The following CNTNAP5 variants were observed in gnomAD, a reference collection of about 807,000 sequenced individuals.
The protein encoded by CNTNAP5 is contactin-associated protein-like 5.
CNTNAP5 carries 72 observed loss-of-function variants against 150.2 expected under a neutral mutation model. The ratio of observed to expected loss-of-function variants is 0.48; its 90% CI spans 0.40 to 0.58. The LOEUF is 0.58. Among genes scored for constraint, CNTNAP5 ranks in the 20% least tolerant of loss-of-function variants. CNTNAP5 has a pLI of 0.00. For synonymous variants in CNTNAP5, 672 were observed against 619.8 expected, an observed-to-expected ratio of 1.08 and a Z score of -1.25; for missense variants, 1,636 against 1,626.2, an observed-to-expected ratio of 1.01 and a Z score of -0.10.
At chr2:124,555,096 AG>A (rs1294543649) in intron 10 of CNTNAP5, among the ~76,000 whole-genome samples, 1 of 144,328 alleles carries the variant, frequency 6.9e-6, no homozygotes, top group Non-Finnish European at 1.6e-5. Flanking sequence ...AATATGCTCT[AG>A]TATTTTTTTT....
intron 4 of CNTNAP5, among the ~76,000 whole-genome samples, chr2:124,426,602 G>C (rs1692243860): frequency 6.6e-6 from 1 of 152,192 alleles, no homozygotes; most frequent in South Asian, 2.1e-4. Flanking sequence ...TCAATGTTGA[G>C]CTTCGGCTTT....
At chr2:124,039,702 T>A (rs1681314844) in intron 1 of CNTNAP5, among the ~76,000 whole-genome samples, 1 of 152,180 alleles carries the variant, frequency 6.6e-6, no homozygotes, top group South Asian at 2.1e-4. Flanking sequence ...TTTATTTAGG[T>A]CTACACTGCG....
intron 21 of CNTNAP5, among the ~76,000 whole-genome samples, chr2:124,883,797 C>G (rs1296926451): frequency 6.6e-6 from 1 of 152,046 alleles, no homozygotes; most frequent in African/African-American, 2.4e-5. Flanking sequence ...CATGCATAAA[C>G]ACGTGTGGGC....
At chr2:124,556,018 C>G (rs1695747835) in intron 10 of CNTNAP5, among the ~76,000 whole-genome samples, 1 of 152,142 alleles carries the variant, frequency 6.6e-6, no homozygotes, top group East Asian at 1.9e-4. Flanking sequence ...TCTAAACTGA[C>G]AACTCCACAT....
intron 3 of CNTNAP5, among the ~76,000 whole-genome samples, chr2:124,289,346 T>C (rs1053768499): frequency 6.6e-6 from 1 of 152,192 alleles, no homozygotes; most frequent in Non-Finnish European, 1.5e-5. Context: ...AATAAATGTA[T>C]GGAGGATTTT....
At chr2:124,254,305 C>T (rs1168061557) in intron 3 of CNTNAP5, among the ~76,000 whole-genome samples, 1 of 152,112 alleles carries the variant, frequency 6.6e-6, no homozygotes, top group Non-Finnish European at 1.5e-5. Context: ...CAAAATATCC[C>T]AGCTCCTGCC....
intron 3 of CNTNAP5, among the ~76,000 whole-genome samples, chr2:124,257,249 A>T (rs1687336182): frequency 6.6e-6 from 1 of 152,186 alleles, no homozygotes; most frequent in East Asian, 1.9e-4. Context: ...ATAGGAAAAC[A>T]GTACTCTTTA....
chr2:124,130,736 A>G (rs1220012632), intron 1 of CNTNAP5, among the ~76,000 whole-genome samples: 1 of 152,132 alleles, frequency 6.6e-6, no homozygotes, highest in East Asian at 1.9e-4. Context: ...ATAATTTTTT[A>G]TCATACTTTG....
At chr2:124,171,216 GCT>G (rs1431773769) in intron 1 of CNTNAP5, among the ~76,000 whole-genome samples, 4 of 152,154 alleles carry the variant, frequency 2.6e-5, no homozygotes, top group African/African-American at 4.8e-5. Flanking sequence ...CTCTGCAAAT[GCT>G]CTTTCTCTGT....
At chr2:124,793,708 G>A (rs1033794784) in intron 18 of CNTNAP5, among the ~76,000 whole-genome samples, 6 of 152,048 alleles carry the variant, frequency 3.9e-5, no homozygotes, top group Non-Finnish European at 1.5e-5. Flanking sequence ...GTGAGGTAGG[G>A]GGTCCAGCTT....
chr2:124,164,802 C>T (rs906762741), intron 1 of CNTNAP5, among the ~76,000 whole-genome samples: 6 of 152,052 alleles, frequency 3.9e-5, no homozygotes, highest in African/African-American at 7.2e-5. Flanking sequence ...TAAATGAGGC[C>T]GTTTCAATAT....
At chr2:124,346,309 G>A (rs1018712622) in intron 3 of CNTNAP5, among the ~76,000 whole-genome samples, 2 of 152,216 alleles carry the variant, frequency 1.3e-5, no homozygotes, top group Non-Finnish European at 2.9e-5. Context: ...GCAACATTGA[G>A]TTGTGACTGT....
chr2:124,701,435 G>A (rs188143977), intron 13 of CNTNAP5, among the ~76,000 whole-genome samples: 1 of 152,204 alleles, frequency 6.6e-6, no homozygotes, highest in Admixed American at 6.5e-5. Context: ...AATGATGGAT[G>A]CTTACGTTGT....
At chr2:124,457,979 T>C (rs998398145) in intron 6 of CNTNAP5, among the ~76,000 whole-genome samples, 2 of 151,066 alleles carry the variant, frequency 1.3e-5, no homozygotes, top group African/African-American at 4.9e-5. Context: ...TGTAAACTAG[T>C]ACAACCACTA....
chr2:124,507,874 A>G (rs1227449347), intron 8 of CNTNAP5, among the ~76,000 whole-genome samples: 1 of 152,208 alleles, frequency 6.6e-6, no homozygotes, highest in Non-Finnish European at 1.5e-5. Context: ...GAAGGCTGCC[A>G]AGGGTGAGTG....
intron 19 of CNTNAP5, among the ~76,000 whole-genome samples, chr2:124,835,810 G>T (rs750598774): frequency 6.6e-6 from 1 of 152,056 alleles, no homozygotes; most frequent in Non-Finnish European, 1.5e-5. Context: ...CAAAACTCAC[G>T]CAGTAAAGAA....
At chr2:124,156,455 G>T (rs1391895233) in intron 1 of CNTNAP5, among the ~76,000 whole-genome samples, 1 of 152,114 alleles carries the variant, frequency 6.6e-6, no homozygotes, top group Non-Finnish European at 1.5e-5. Context: ...CCTGTGCCAG[G>T]CCTGGATGGC....
intron 1 of CNTNAP5, among the ~76,000 whole-genome samples, chr2:124,096,581 A>G (rs534737429): frequency 7.2e-5 from 11 of 152,178 alleles, no homozygotes; most frequent in Admixed American, 3.3e-4. Context: ...TGCTCTTCAC[A>G]GATAGGAGGC....
intron 1 of CNTNAP5, among the ~76,000 whole-genome samples, chr2:124,206,563 C>T (rs1318103891): frequency 6.6e-6 from 1 of 152,050 alleles, no homozygotes; most frequent in East Asian, 1.9e-4. Context: ...TCTGAGTGGG[C>T]CAGTGGGGGC....
Sources: gnomAD v4.1 joint callset for allele counts (sites outside exome capture counted in the v4.1 genomes callset) on GRCh38, gnomAD v4.1.1 for gene constraint, MANE v1.5 for transcripts, NCBI Gene and HGNC (gene_info 2026-07-23, HGNC 2026-07-21) for gene names.